Variants in HNRNPLL observed in about 807,000 individuals in gnomAD.
HNRNPLL encodes heterogeneous nuclear ribonucleoprotein L-like.
A neutral mutation model predicts 67.1 loss-of-function variants in HNRNPLL; 25 were observed. The ratio of observed to expected loss-of-function variants is 0.37; its 90% confidence interval spans 0.27 to 0.52. The LOEUF is 0.52. Ranked by LOEUF, HNRNPLL falls within the 20% of genes least tolerant of loss-of-function variation. The pLI, the probability that HNRNPLL is intolerant of heterozygous loss-of-function variation, is 0.90. For synonymous variants in HNRNPLL, 267 were observed against 241.7 expected, an observed-to-expected ratio of 1.10 and a Z score of -0.97; for missense variants, 542 against 673.9, an observed-to-expected ratio of 0.80 and a Z score of 2.17.
intron 1 of HNRNPLL, among the ~76,000 whole-genome samples, chr2:38,592,436 T>A (rs909302593): frequency 6.6e-6 from 1 of 152,258 alleles, no homozygotes; most frequent in African/African-American, 2.4e-5. Flanking sequence ...AGTCCCACTA[T>A]AACTTGAGGA....
At chr2:38,602,378 G>T in intron 1 of HNRNPLL, 60 bp downstream of exon 1, 1 of 1,495,880 alleles carries the variant, frequency 6.7e-7, no homozygotes, top group South Asian at 1.2e-5. Flanking sequence ...GCCCCGCACC[G>T]AGGCCCTGCT....
intron 1 of HNRNPLL, 115 bp downstream of exon 1, chr2:38,602,323 A>C: frequency 9.9e-7 from 1 of 1,006,118 alleles, no homozygotes; most frequent in Non-Finnish European, 1.4e-6. Flanking sequence ...GCGCTTCCCC[A>C]AACGGGTCGG....
At chr2:38,584,584 C>T (rs1159665797) in intron 3 of HNRNPLL, among the ~76,000 whole-genome samples, 1 of 152,030 alleles carries the variant, frequency 6.6e-6, no homozygotes, top group Non-Finnish European at 1.5e-5. Flanking sequence ...AAATGTGACA[C>T]TGAAATGTTT....
rs752493519 is a variant in HNRNPLL, at chr2:38,602,605, G to C, written c.22C>G (p.Pro8Ala). ...CGGTCCTCCTCGTACGTCTCCCTGG[G>C]GGAGGAAGAGGAGGAGGACATGGCG... Reference protein sequence around the residue: MSSSSSSPRETYEEDREY... With the variant: MSSSSSSARETYEEDREY... The change falls in exon 1 of 13, where the codon CCC becomes GCC. Residue 8 changes from proline to alanine, a missense_variant. By Grantham distance (27) the Pro-to-Ala change is conservative. Coordinates refer to ENST00000449105, the MANE Select transcript of HNRNPLL (RefSeq NM_138394.4). The C allele has an allele frequency of 1.3e-6, 2 of 1,562,914 alleles. No individual in the cohort carries two copies. Among genetic ancestry groups the C allele is most frequent in the East Asian group, 2.4e-5 (1 of 41,048 alleles).
intron 2 of HNRNPLL, among the ~76,000 whole-genome samples, chr2:38,587,464 C>T (rs76536452): frequency 0.01 from 1,529 of 152,140 alleles, 31 homozygotes; most frequent in African/African-American, 0.035. Context: ...TTAGTTTTCC[C>T]CACCCATATC....
rs1264645904 is a variant in HNRNPLL at position 38,564,120 on chromosome 2, A to C, written c.*62T>G. On this transcript the variant is annotated 3_prime_UTR_variant, in exon 13 of 13. Transcript: ENST00000449105. ...ATCAACCATTTTAGATTTTTTTTTA[A>C]TGAAGTGTAGCTTTGAAATTGTAAT... 8.0e-6 allele frequency: 8 copies of C among 997,698 alleles called. No individual in the cohort carries two copies. Among genetic ancestry groups the C allele is most frequent in the Non-Finnish European group, 1.3e-5 (8 of 628,170 alleles). 61.8% of individuals were successfully genotyped at this position (997,698 alleles called of 1,614,324 possible). A position where few individuals can be genotyped will look rare whatever the true frequency, so the allele number is the denominator to read the frequency against.
At position 38,577,483 on chromosome 2, in the gene HNRNPLL, A is replaced by T. The variant is rs758401139; in HGVS notation, c.852T>A (p.Ser284=). The change falls in exon 7 of 13, where the codon TCT becomes TCA. Residue 284 remains serine (S), a synonymous_variant. Transcript: ENST00000449105. The part of the protein sequence containing the change: ...QRQAILGEHP[S]SFRHDGYGSH... ...TACCATAGCCATCATGTCTAAACGA[A>T]GAAGGGTGTTCTCCCAAAATGGCTT... 1 of 1,608,324 alleles carries T rather than the reference A, an allele frequency of 6.2e-7. No homozygotes were observed. The highest frequency in any genetic ancestry group is 1.1e-5 in the South Asian group (1 of 90,956).
At chr2:38,598,678 G>C (rs1480915917) in intron 1 of HNRNPLL, among the ~76,000 whole-genome samples, 1 of 152,198 alleles carries the variant, frequency 6.6e-6, no homozygotes, top group Non-Finnish European at 1.5e-5. Context: ...GAGTTCCAGA[G>C]AGGTTAAGTG....
chr2:38,585,940 G>C, intron 2 of HNRNPLL, 59 bp from the exon 3 acceptor site: 1 of 1,009,300 alleles, frequency 9.9e-7, no homozygotes, highest in African/African-American at 1.6e-5. Flanking sequence ...AACATTATTT[G>C]TCCTCAATTA....
chr2:38,589,703 A>G (rs908045801), intron 2 of HNRNPLL, among the ~76,000 whole-genome samples: 3 of 152,202 alleles, frequency 2.0e-5, no homozygotes, highest in Non-Finnish European at 4.4e-5. Flanking sequence ...TCAAATTACT[A>G]ACTTAAAATA....
At position 38,585,778 on chromosome 2, in the gene HNRNPLL, T is replaced by C; in HGVS notation, c.412A>G (p.Ile138Val). The C allele has an allele frequency of 3.7e-6, 6 of 1,613,666 alleles. No homozygotes were observed. The highest frequency in any genetic ancestry group is 1.3e-5 in the African/African-American group (1 of 75,034). The change falls in exon 3 of 13, where the codon ATT (isoleucine) becomes GTT (valine). Residue 138 changes from isoleucine to valine, a missense_variant. This residue lies in a region of HNRNPLL where 415 missense variants were observed against 575.2 expected (regional missense o/e 0.72). Transcript: ENST00000449105. ...TTGAAAAAAGCCTGTTGACCAGCAATGTACACGGGTTCATCTGCAGCAAAT... is the reference window on the plus strand; with the variant it reads ...TTGAAAAAAGCCTGTTGACCAGCAACGTACACGGGTTCATCTGCAGCAAAT... ...VTFAADEPVY[I>V]AGQQAFFNYS...
At chr2:38,578,243 T>C (rs2148352770) in intron 6 of HNRNPLL, among the ~76,000 whole-genome samples, 1 of 152,176 alleles carries the variant, frequency 6.6e-6, no homozygotes. Context: ...ACTACAATAC[T>C]CTAAAGGATA....
intron 6 of HNRNPLL, chr2:38,578,122 G>C: frequency 2.4e-6 from 1 of 417,016 alleles, no homozygotes; most frequent in South Asian, 1.8e-5. Flanking sequence ...ATTATATCAT[G>C]AATAGGTCAT....
intron 7 of HNRNPLL, among the ~76,000 whole-genome samples, chr2:38,576,360 C>G (rs73929077): frequency 0.023 from 3,537 of 151,836 alleles, 135 homozygotes; most frequent in African/African-American, 0.081. Flanking sequence ...AGGATCAGAA[C>G]TACCCATACA....
chr2:38,579,817 C>T (rs1298498169), intron 6 of HNRNPLL, among the ~76,000 whole-genome samples: 1 of 151,720 alleles, frequency 6.6e-6, no homozygotes, highest in Non-Finnish European at 1.5e-5. Flanking sequence ...CAATAGCTAT[C>T]AATTTGAGTG....
rs1038956570 is a variant in HNRNPLL at position 38,571,720 on chromosome 2, T to C, written c.1092+1490A>G. ...GTATTGGTAAATCTCCAAAAGAAAG[T>C]TAGAAAAAATTAACTATATATGGAT... On this transcript the variant is annotated intron_variant, in intron 8 of 12. Coordinates refer to ENST00000449105, the MANE Select transcript of HNRNPLL (RefSeq NM_138394.4). Among the ~76,000 whole-genome samples, 45 of 152,230 alleles carry C rather than the reference T, an allele frequency of 3.0e-4. No homozygotes were observed. The South Asian group carries it at 3.3e-3, about 11-fold the overall frequency.
Position 38,602,580 on chromosome 2 carries a change from C to T in HNRNPLL, c.47G>A (p.Arg16Gln), listed in dbSNP as rs1435526379. The T allele has an allele frequency of 1.9e-6, 3 of 1,573,206 alleles. No individual in the cohort carries two copies. The highest frequency in any genetic ancestry group is 1.4e-5 in the African/African-American group (1 of 73,580). The change falls in exon 1 of 13, where the codon CGG becomes CAG. Residue 16 changes from arginine to glutamine, a missense_variant. By Grantham distance (43) the Arg-to-Gln change is conservative. Coordinates refer to ENST00000449105, the MANE Select transcript of HNRNPLL (RefSeq NM_138394.4). ...SSPRETYEEDREYESQAKRLK... is the reference protein window; with the variant it reads ...SSPRETYEEDQEYESQAKRLK... ...ACGCTTGGCCTGGCTCTCGTACTCCCGGTCCTCCTCGTACGTCTCCCTGGG... is the reference window on the plus strand; with the variant it reads ...ACGCTTGGCCTGGCTCTCGTACTCCTGGTCCTCCTCGTACGTCTCCCTGGG...
chr2:38,569,232 T>C lies in HNRNPLL; in HGVS notation c.1317A>G (p.Thr439=), dbSNP rs1345427324. The change falls in exon 10 of 13, where the codon ACA becomes ACG. Residue 439 remains threonine, a synonymous_variant. Coordinates refer to ENST00000449105, the MANE Select transcript of HNRNPLL (RefSeq NM_138394.4). ...TATTCTTAGATGCTTGGCCAGCACT[T>C]GTAAAGCGATTATTTTTGCTCATTG... The part of the protein sequence containing the change: ...DFAMSKNNRF[T]SAGQASKNII... 5 of 1,613,046 alleles carry C rather than the reference T, an allele frequency of 3.1e-6. No homozygotes were observed. The highest frequency in any genetic ancestry group is 1.1e-5 in the South Asian group (1 of 91,068).
chr2:38,572,307 A>C lies in HNRNPLL; in HGVS notation c.1092+903T>G, dbSNP rs1179604628. Among the ~76,000 whole-genome samples the C allele has an allele frequency of 2.0e-5, 3 of 152,116 alleles. No homozygotes were observed. The East Asian group carries it at 5.8e-4, about 29-fold the overall frequency. On this transcript the variant is annotated intron_variant, in intron 8 of 12. Transcript: ENST00000449105. ...TGAAGGGTTGCTTCCTCAGATCAAGAAGCTTTAGAATTAATGAACTAAGAA... is the reference window on the plus strand; with the variant it reads ...TGAAGGGTTGCTTCCTCAGATCAAGCAGCTTTAGAATTAATGAACTAAGAA...
Sources: gnomAD v4.1 joint callset for allele counts (sites outside exome capture counted in the v4.1 genomes callset) on GRCh38, gnomAD v4.1.1 for gene constraint, gnomAD v4.1.1 regional missense constraint, MANE v1.5 for transcripts, NCBI Gene and HGNC (gene_info 2026-07-23, HGNC 2026-07-21) for gene names.